ESRRB: variants seen among roughly 807,000 people sequenced by gnomAD.
ESRRB encodes steroid hormone receptor ERR2.
A neutral mutation model predicts 46.0 loss-of-function variants in ESRRB; 16 were observed. That is an observed-to-expected ratio of 0.35 (90% CI 0.24 to 0.53). The LOEUF (loss-of-function observed/expected upper bound fraction) is 0.53, where lower values mean the gene tolerates loss of function less well. ESRRB is among the 20% of genes least tolerant of loss of function. The probability of loss-of-function intolerance (pLI) is 0.93; values close to 1 mark genes in which losing one functional copy is unlikely to be tolerated. For synonymous variants in ESRRB, 246 were observed against 259.6 expected (o/e 0.95, Z 0.50); for missense variants, 488 against 607.4 (o/e 0.80, Z 2.07).
At chr14:76,450,679 C>T (rs150308105) in intron 2 of ESRRB, among the ~76,000 whole-genome samples, 79 of 152,280 alleles carry the variant, frequency 5.2e-4, no homozygotes, top group African/African-American at 1.8e-3. Context: ...GGTTATTCCA[C>T]CTTGGGTCGC....
chr14:76,392,796 A>G lies in ESRRB; in HGVS notation c.50+16345A>G, dbSNP rs372797804. ...GAAGAGCCAGTGTTGGGATCTGTTC[A>G]TGCTGTGCCAAGAGAAGTGCTTCCA... On this transcript the variant is annotated intron_variant, in intron 1 of 6. Transcript: ENST00000644823. Among the ~76,000 whole-genome samples, 12 of 152,326 alleles carry G rather than the reference A, an allele frequency of 7.9e-5. 1 individual carries two copies. The East Asian group carries it at 1.3e-3, about 17-fold the overall frequency.
At chr14:76,352,011 C>CAAAAAAAAAAAAAAAAAAAAAAAAAAA (rs1884319857) in intron 1 of ESRRB, among the ~76,000 whole-genome samples, 1 of 109,052 alleles carries the variant, frequency 9.2e-6, no homozygotes, top group Non-Finnish European at 2.0e-5. Flanking sequence ...AAAAAAAAAG[C>CAAAAAAAAAAAAAAAAAAAAAAAAAAA]AAACTCCAAG....
chr14:76,419,632 G>A (rs1358566627), intron 1 of ESRRB, among the ~76,000 whole-genome samples: 1 of 152,202 alleles, frequency 6.6e-6, no homozygotes, highest in Admixed American at 6.5e-5. Context: ...AAATGCCAGA[G>A]TGAGGATGGC....
intron 1 of ESRRB, among the ~76,000 whole-genome samples, chr14:76,436,323 C>T (rs1415552340): frequency 1.3e-5 from 2 of 152,214 alleles, no homozygotes; most frequent in Non-Finnish European, 2.9e-5. Context: ...TCTTATCCAT[C>T]AAGGCACAGA....
intron 3 of ESRRB, among the ~76,000 whole-genome samples, chr14:76,464,318 C>G (rs984615235): frequency 1.3e-5 from 2 of 152,322 alleles, no homozygotes; most frequent in Non-Finnish European, 2.9e-5. Context: ...CCTGCTACCC[C>G]CTCTCCCAGG....
intron 1 of ESRRB, among the ~76,000 whole-genome samples, chr14:76,413,429 T>A (rs10138353): frequency 0.31 from 47,637 of 152,048 alleles, 7,780 homozygotes; most frequent in African/African-American, 0.39. Context: ...CACATACTGG[T>A]CCCAGTGCCC....
At position 76,500,736 on chromosome 14, in the gene ESRRB, C is replaced by T. The variant is rs761001972; in HGVS notation, c.*2278C>T. The T allele has an allele frequency of 6.2e-7, 1 of 1,613,880 alleles. No individual in the cohort carries two copies. The highest frequency in any genetic ancestry group is 1.1e-5 in the South Asian group (1 of 91,082). On this transcript the variant is annotated 3_prime_UTR_variant, in exon 7 of 7. Transcript: ENST00000644823. The stretch of plus-strand genomic sequence containing the variant: ...TCACCATGTAACATCTGGCTTGGAG[C>T]AAGTGGGTGTTCTGCACACCAGGCA...
chr14:76,472,348 A>G (rs1160791559), intron 3 of ESRRB, among the ~76,000 whole-genome samples: 1 of 151,982 alleles, frequency 6.6e-6, no homozygotes, highest in Non-Finnish European at 1.5e-5. Flanking sequence ...GATAGCAGAC[A>G]CTCCTTTAAT....
intron 5 of ESRRB, among the ~76,000 whole-genome samples, chr14:76,487,695 C>T (rs1386652769): frequency 6.6e-6 from 1 of 152,100 alleles, no homozygotes; most frequent in African/African-American, 2.4e-5. Flanking sequence ...CTTTGACCAC[C>T]TGGGTTCAAG....
At chr14:76,453,375 AG>A (rs1888473476) in intron 2 of ESRRB, among the ~76,000 whole-genome samples, 1 of 152,220 alleles carries the variant, frequency 6.6e-6, no homozygotes, top group Non-Finnish European at 1.5e-5. Context: ...GTTGCAGAGT[AG>A]GGGCCAGTGG....
At chr14:76,397,599 A>G (rs988032873) in intron 1 of ESRRB, among the ~76,000 whole-genome samples, 1 of 152,162 alleles carries the variant, frequency 6.6e-6, no homozygotes, top group African/African-American at 2.4e-5. Context: ...TTGGGCAAAA[A>G]TTGAGACAAA....
At chr14:76,364,769 G>T (rs1884502242) in intron 1 of ESRRB, among the ~76,000 whole-genome samples, 1 of 152,058 alleles carries the variant, frequency 6.6e-6, no homozygotes, top group Admixed American at 6.6e-5. Flanking sequence ...CAACTTGGGG[G>T]CAGGAAGAGA....
At chr14:76,340,926 T>C (rs1188753418) in intron 1 of ESRRB, among the ~76,000 whole-genome samples, 1 of 152,192 alleles carries the variant, frequency 6.6e-6, no homozygotes, top group Non-Finnish European at 1.5e-5. Flanking sequence ...GATCATTGGT[T>C]CTCTCTGAGC....
intron 1 of ESRRB, among the ~76,000 whole-genome samples, chr14:76,384,760 G>C (rs963440654): frequency 6.6e-6 from 1 of 152,184 alleles, no homozygotes. Flanking sequence ...ACAAGGGGGG[G>C]TTATGACTTG....
chr14:76,329,872 C>CG (rs1419173439), intron 1 of ESRRB, among the ~76,000 whole-genome samples: 10 of 142,836 alleles, frequency 7.0e-5, no homozygotes, highest in South Asian at 2.3e-4. Flanking sequence ...TAGGGATGTG[C>CG]GGGGGGGATA....
At chr14:76,452,626 A>AATAAAC (rs1888433578) in intron 2 of ESRRB, among the ~76,000 whole-genome samples, 2 of 124,278 alleles carry the variant, frequency 1.6e-5, no homozygotes, top group East Asian at 4.2e-4. Context: ...TCTCCAAAAA[A>AATAAAC]AAAAACAAAA....
At chr14:76,330,342 A>G (rs1555389199) in intron 1 of ESRRB, among the ~76,000 whole-genome samples, 2 of 152,220 alleles carry the variant, frequency 1.3e-5, no homozygotes, top group African/African-American at 2.4e-5. Context: ...CCCGCCTGAC[A>G]CAGTGGCAGA....
intron 1 of ESRRB, among the ~76,000 whole-genome samples, chr14:76,363,002 G>A (rs961052622): frequency 6.6e-6 from 1 of 152,148 alleles, no homozygotes; most frequent in African/African-American, 2.4e-5. Context: ...CAAGTGCCTG[G>A]TCATTTGCAG....
At chr14:76,380,379 A>T (rs951697507) in intron 1 of ESRRB, among the ~76,000 whole-genome samples, 1 of 152,200 alleles carries the variant, frequency 6.6e-6, no homozygotes, top group Non-Finnish European at 1.5e-5. Context: ...AAGAAACAGG[A>T]TGCTTTTGGC....
Sources: gnomAD v4.1 joint callset for allele counts (sites outside exome capture counted in the v4.1 genomes callset) on GRCh38, gnomAD v4.1.1 for gene constraint, MANE v1.5 for transcripts, NCBI Gene and HGNC (gene_info 2026-07-23, HGNC 2026-07-21) for gene names.